Variants in HS2ST1 observed in about 807,000 individuals in gnomAD.
HS2ST1 encodes the protein heparan sulfate 2-O-sulfotransferase 1, also known as 2-O-sulfotransferase.
HS2ST1 carries 18 observed loss-of-function variants against 42.9 expected under a neutral mutation model. That is an observed-to-expected ratio of 0.42 (90% CI 0.29 to 0.62). HS2ST1 has a LOEUF of 0.62. HS2ST1 is among the 20% of genes least tolerant of loss of function. The pLI, the probability that HS2ST1 is intolerant of heterozygous loss-of-function variation, is 0.21. For missense variants in HS2ST1, 334 were observed against 433.8 expected (o/e 0.77, Z 2.04); for synonymous variants, 146 against 152.9 (o/e 0.95, Z 0.33).
chr1:87,020,640 T>TGAGATCAAG (rs1649914538), intron 1 of HS2ST1, among the ~76,000 whole-genome samples: 1 of 152,190 alleles, frequency 6.6e-6, no homozygotes, highest in South Asian at 2.1e-4. Context: ...GCTAGGAGTT[T>TGAGATCAAG]GAGATCAAGG....
Position 87,073,029 on chromosome 1 carries a change from A to G in HS2ST1, c.220A>G (p.Met74Val), listed in dbSNP as rs2100634731. The G allele has an allele frequency of 1.9e-6, 3 of 1,614,084 alleles. No homozygotes were observed. Among genetic ancestry groups the G allele is most frequent in the East Asian group, 2.2e-5 (1 of 44,850 alleles). ...TGCCACTTTAGATGAGGAAGAGGAC[A>G]TGGTGATCATTTATAACAGAGTTCC... ...QDATLDEEED[M>V]VIIYNRVPKT... The change falls in exon 2 of 7, where the codon ATG becomes GTG. Residue 74 changes from methionine (M) to valine (V), a missense_variant. Physicochemically the swap from Met to Val is conservative, Grantham distance 21. Transcript: ENST00000370550.
chr1:86,920,888 G>A (rs1340230951), intron 1 of HS2ST1, among the ~76,000 whole-genome samples: 1 of 151,986 alleles, frequency 6.6e-6, no homozygotes, highest in Non-Finnish European at 1.5e-5. Flanking sequence ...CATGGTTCCC[G>A]AAGCTTTCCC....
chr1:86,953,271 G>T (rs933311799), intron 1 of HS2ST1, among the ~76,000 whole-genome samples: 1 of 152,236 alleles, frequency 6.6e-6, no homozygotes, highest in Non-Finnish European at 1.5e-5. Context: ...GTTGTGGCCA[G>T]TTTGATCTAT....
intron 1 of HS2ST1, among the ~76,000 whole-genome samples, chr1:87,032,445 C>A (rs1650264190): frequency 6.6e-6 from 1 of 152,102 alleles, no homozygotes; most frequent in Non-Finnish European, 1.5e-5. Flanking sequence ...TGATTTAATA[C>A]AAAGTTCATT....
chr1:87,004,438 ATG>A, intron 1 of HS2ST1, among the ~76,000 whole-genome samples: 1 of 152,080 alleles, frequency 6.6e-6, no homozygotes, highest in Admixed American at 6.5e-5. Context: ...CTCAATCACT[ATG>A]TAGTTTGGTT....
In HS2ST1 at chr1:86,998,425, A is replaced by C. The variant is rs973774525; in HGVS notation, c.125-74509A>C. Among the ~76,000 whole-genome samples, 4 of 152,286 alleles carry C rather than the reference A, an allele frequency of 2.6e-5. No homozygotes were observed. The South Asian group carries it at 6.2e-4, about 24-fold the overall frequency. On this transcript the variant is annotated intron_variant, in intron 1 of 6. Transcript: ENST00000370550. The stretch of plus-strand genomic sequence containing the variant: ...TTGTCTAAGTCAATAAGTCCATTTC[A>C]CTAGAAAGTTTCCAGGCAGTAAATA...
chr1:86,998,225 G>A lies in HS2ST1; in HGVS notation c.125-74709G>A, dbSNP rs1157833388. On this transcript the variant is annotated intron_variant, in intron 1 of 6. Coordinates refer to ENST00000370550, the MANE Select transcript of HS2ST1 (RefSeq NM_012262.4). ...TTTTAAATGCTTAGGAAAATTTGAT[G>A]TAAGTACTAAAATGTCCTCAGGATT... is the stretch of plus-strand genomic sequence containing the variant. Among the ~76,000 whole-genome samples, 6 of 152,262 alleles carry A rather than the reference G, an allele frequency of 3.9e-5. No individual in the cohort carries two copies. In the East Asian group the frequency reaches 5.8e-4, roughly 15 times the overall value.
intron 4 of HS2ST1, among the ~76,000 whole-genome samples, chr1:87,096,926 C>T (rs897464953): frequency 6.6e-6 from 1 of 152,166 alleles, no homozygotes; most frequent in Admixed American, 6.5e-5. Flanking sequence ...TTATGAGCTA[C>T]AAAATCTGGC....
chr1:86,920,004 C>T (rs1436128080), intron 1 of HS2ST1, among the ~76,000 whole-genome samples: 1 of 152,130 alleles, frequency 6.6e-6, no homozygotes, highest in African/African-American at 2.4e-5. Context: ...TAGTTCTTCC[C>T]GAATTTCAAG....
intron 1 of HS2ST1, among the ~76,000 whole-genome samples, chr1:86,954,039 TTAAA>T (rs1165407431): frequency 3.3e-5 from 4 of 121,064 alleles, no homozygotes; most frequent in African/African-American, 1.5e-4. Context: ...ACTGTTTTTT[TTAAA>T]AAAAAAAAAA....
intron 1 of HS2ST1, among the ~76,000 whole-genome samples, chr1:86,983,131 C>T (rs1648646708): frequency 6.6e-6 from 1 of 152,182 alleles, no homozygotes; most frequent in African/African-American, 2.4e-5. Flanking sequence ...CTGTCCCGGC[C>T]TCTGTCTGTT....
At chr1:86,955,545 T>C (rs1305548123) in intron 1 of HS2ST1, among the ~76,000 whole-genome samples, 1 of 151,988 alleles carries the variant, frequency 6.6e-6, no homozygotes, top group Non-Finnish European at 1.5e-5. Flanking sequence ...AAATCTCAGG[T>C]CATGAAGCTG....
intron 1 of HS2ST1, among the ~76,000 whole-genome samples, chr1:86,967,887 A>C (rs1648094679): frequency 6.6e-6 from 1 of 152,224 alleles, no homozygotes; most frequent in South Asian, 2.1e-4. Flanking sequence ...TGTTTTCCAT[A>C]GAGGCTGCAC....
At chr1:86,923,290 C>G (rs1406856446) in intron 1 of HS2ST1, among the ~76,000 whole-genome samples, 1 of 152,038 alleles carries the variant, frequency 6.6e-6, no homozygotes, top group African/African-American at 2.4e-5. Flanking sequence ...ATTGGACTTA[C>G]AGTTCACATG....
intron 1 of HS2ST1, among the ~76,000 whole-genome samples, chr1:87,069,100 G>C (rs1651334712): frequency 1.3e-5 from 2 of 152,168 alleles, no homozygotes; most frequent in African/African-American, 4.8e-5. Flanking sequence ...GGAGGAAGAG[G>C]TGGGCCTAGT....
chr1:87,080,155 T>C (rs1651648480), intron 2 of HS2ST1, among the ~76,000 whole-genome samples: 1 of 152,160 alleles, frequency 6.6e-6, no homozygotes, highest in Admixed American at 6.5e-5. Flanking sequence ...AAATCCTACA[T>C]AGATATTTAG....
At chr1:87,015,461 C>T (rs1649726360) in intron 1 of HS2ST1, among the ~76,000 whole-genome samples, 1 of 151,482 alleles carries the variant, frequency 6.6e-6, no homozygotes, top group East Asian at 1.9e-4. Flanking sequence ...CATTATCCTG[C>T]CTCAGCCTCC....
intron 1 of HS2ST1, among the ~76,000 whole-genome samples, chr1:86,915,751 G>T (rs973482724): frequency 2.0e-5 from 3 of 152,206 alleles, no homozygotes; most frequent in Non-Finnish European, 4.4e-5. Context: ...GGCTGGCCGG[G>T]TAGTGCGGGA....
At chr1:86,988,924 T>C (rs1302186536) in intron 1 of HS2ST1, among the ~76,000 whole-genome samples, 1 of 152,274 alleles carries the variant, frequency 6.6e-6, no homozygotes, top group Non-Finnish European at 1.5e-5. Flanking sequence ...TGCAGTGCGA[T>C]TGGAATACTT....
Sources: allele counts gnomAD v4.1 joint callset (sites outside exome capture counted in the v4.1 genomes callset), GRCh38; gene constraint gnomAD v4.1.1; transcripts MANE v1.5; gene names NCBI Gene and HGNC (gene_info 2026-07-23, HGNC 2026-07-21).